The following SSPN variants were observed in gnomAD, a reference collection of about 807,000 sequenced individuals.
The protein encoded by SSPN is sarcospan.
In SSPN, 15 loss-of-function variants were observed where a neutral mutation model predicts 19.1. The ratio of observed to expected loss-of-function variants is 0.78; its 90% CI spans 0.52 to 1.21. SSPN has a LOEUF of 1.21. SSPN is among the 50% of genes most tolerant of loss of function. The pLI, the probability that SSPN is intolerant of heterozygous loss-of-function variation, is 0.00. For missense variants in SSPN, 291 were observed against 314.0 expected (o/e 0.93, Z 0.55); for synonymous variants, 147 against 140.3 (o/e 1.05, Z -0.34).
At chr12:26,200,846 G>A (rs1214224761) in intron 1 of SSPN, among the ~76,000 whole-genome samples, 1 of 151,536 alleles carries the variant, frequency 6.6e-6, no homozygotes, top group Non-Finnish European at 1.5e-5. Flanking sequence ...ACTGCCACAG[G>A]ATTGTTAGGA....
upstream of SSPN, among the ~76,000 whole-genome samples, chr12:26,190,376 A>G (rs1448312553): frequency 6.6e-6 from 1 of 152,194 alleles, no homozygotes; most frequent in East Asian, 1.9e-4. Flanking sequence ...GCCATCTGGA[A>G]AGGAAACAAC....
intron 1 of SSPN, among the ~76,000 whole-genome samples, chr12:26,147,365 C>T (rs778586790): frequency 2.6e-5 from 4 of 151,848 alleles, no homozygotes; most frequent in African/African-American, 4.8e-5. Flanking sequence ...CTCCGCCTCC[C>T]GGTTCAAGTG....
intron 1 of SSPN, among the ~76,000 whole-genome samples, chr12:26,140,014 C>A (rs571828773): frequency 6.6e-6 from 1 of 152,194 alleles, no homozygotes; most frequent in South Asian, 2.1e-4. Flanking sequence ...CTCATCCAGG[C>A]TCATGGCTTC....
chr12:26,145,311 A>C (rs926981891), intron 1 of SSPN, among the ~76,000 whole-genome samples: 1 of 152,192 alleles, frequency 6.6e-6, no homozygotes, highest in Admixed American at 6.5e-5. Flanking sequence ...CTTCGGTTCA[A>C]GAAAGGCTGG....
intron 1 of SSPN, among the ~76,000 whole-genome samples, chr12:26,222,138 C>A (rs1211153032): frequency 6.6e-6 from 1 of 152,212 alleles, no homozygotes; most frequent in Non-Finnish European, 1.5e-5. Flanking sequence ...CCAGATCTCT[C>A]CAGTCCATGC....
chr12:26,149,941 C>A, intron 1 of SSPN, among the ~76,000 whole-genome samples: 1 of 152,128 alleles, frequency 6.6e-6, no homozygotes, highest in Non-Finnish European at 1.5e-5. Flanking sequence ...GAATTTAAAT[C>A]CTTTTGTACA....
chr12:26,216,364 A>C (rs1156626349), intron 1 of SSPN, among the ~76,000 whole-genome samples: 1 of 151,828 alleles, frequency 6.6e-6, no homozygotes, highest in Non-Finnish European at 1.5e-5. Context: ...TGGCTGCATA[A>C]ATGTCTTCTT....
intron 1 of SSPN, among the ~76,000 whole-genome samples, chr12:26,170,616 T>A (rs1358729251): frequency 6.6e-6 from 1 of 152,236 alleles, no homozygotes; most frequent in African/African-American, 2.4e-5. Flanking sequence ...TCTTTAATCA[T>A]CTATTGTCAT....
Position 26,231,220 on chromosome 12 carries a change from CAAA to C in SSPN, c.*146_*148del. 2 of 1,195,972 alleles carry C rather than the reference CAAA, an allele frequency of 1.7e-6. No homozygotes were observed. Among genetic ancestry groups the C allele is most frequent in the South Asian group, 1.9e-5 (1 of 52,234 alleles). The allele number at this position is 1,195,972 out of a possible 1,614,324, so 74.1% of individuals were successfully genotyped here. A position where few individuals can be genotyped will look rare whatever the true frequency, so the allele number is the denominator to read the frequency against. On this transcript the variant is annotated 3_prime_UTR_variant, in exon 3 of 3. Coordinates refer to ENST00000242729, the MANE Select transcript of SSPN (RefSeq NM_005086.5). ...TGAATATTTTTATATTTTTATGAAA[CAAA>C]AGAGCATTTCTTCAGGTTTCTATTG...
chr12:26,185,004 T>A (rs1020337753), intron 1 of SSPN, among the ~76,000 whole-genome samples: 2 of 152,172 alleles, frequency 1.3e-5, no homozygotes, highest in Admixed American at 6.5e-5. Context: ...TTGTGATACT[T>A]CCCCTGCTGT....
At chr12:26,122,193 A>C (rs762099021) in intron 1 of SSPN, 3 of 1,444,256 alleles carry the variant, frequency 2.1e-6, no homozygotes, top group Non-Finnish European at 2.7e-6. Context: ...CGGCGCCCCA[A>C]GGGGCGCCAC....
chr12:26,187,498 G>A (rs1944761267), intron 1 of SSPN, among the ~76,000 whole-genome samples: 1 of 152,226 alleles, frequency 6.6e-6, no homozygotes, highest in African/African-American at 2.4e-5. Flanking sequence ...ATCAGTTGGG[G>A]AAATCCAGTG....
exon 1 of SSPN, chr12:26,122,111 G>C: frequency 6.5e-7 from 1 of 1,549,644 alleles, no homozygotes; most frequent in Non-Finnish European, 8.7e-7. Flanking sequence ...CCTGAGCAGA[G>C]CTCTCCGGGT....
At chr12:26,220,218 A>T (rs1945104388) in intron 1 of SSPN, among the ~76,000 whole-genome samples, 3 of 141,624 alleles carry the variant, frequency 2.1e-5, no homozygotes, top group South Asian at 4.5e-4. Context: ...TTGATAAAGA[A>T]GTCTTGTTAC....
chr12:26,155,781 C>T (rs943654500), intron 1 of SSPN, among the ~76,000 whole-genome samples: 2 of 152,198 alleles, frequency 1.3e-5, no homozygotes, highest in African/African-American at 4.8e-5. Context: ...CTTTGCTAAG[C>T]TTTTCCCAGG....
At chr12:26,163,061 ATG>A (rs1209466155) in intron 1 of SSPN, among the ~76,000 whole-genome samples, 3 of 50,252 alleles carry the variant, frequency 6.0e-5, no homozygotes, top group African/African-American at 1.7e-4. Context: ...GTGTGTGTGT[ATG>A]TGTGTGTGTG....
rs886301450 is a variant in SSPN at position 26,234,214 on chromosome 12, T to C, written c.*3138T>C. The stretch of plus-strand genomic sequence containing the variant: ...TGTCTGGAATATGTTTATAAAATTT[T>C]AGCAAGGGGTGAGATCAAGGGACAA... On this transcript the variant is annotated 3_prime_UTR_variant, in exon 3 of 3. Transcript: ENST00000242729. The C allele has an allele frequency of 6.6e-6, 1 of 152,336 alleles. No individual in the cohort carries two copies. Among genetic ancestry groups the C allele is most frequent in the African/African-American group, 2.4e-5 (1 of 41,564 alleles). 9.4% of individuals were successfully genotyped at this position (152,336 alleles called of 1,614,324 possible).
intron 1 of SSPN, among the ~76,000 whole-genome samples, chr12:26,186,997 C>G (rs1287495180): frequency 1.3e-5 from 2 of 152,198 alleles, no homozygotes; most frequent in Admixed American, 6.5e-5. Flanking sequence ...GTACATTGGC[C>G]TTATTCTCTC....
At chr12:26,221,214 CAG>C (rs1945117085) in intron 1 of SSPN, among the ~76,000 whole-genome samples, 1 of 152,188 alleles carries the variant, frequency 6.6e-6, no homozygotes, top group Non-Finnish European at 1.5e-5. Flanking sequence ...TCTCTCTGCA[CAG>C]AATACCTTTC....
Sources: gnomAD v4.1 joint callset for allele counts (sites outside exome capture counted in the v4.1 genomes callset) on GRCh38, gnomAD v4.1.1 for gene constraint, MANE v1.5 for transcripts, NCBI Gene and HGNC (gene_info 2026-07-23, HGNC 2026-07-21) for gene names.